CFAP221: variants seen among roughly 807,000 people sequenced by gnomAD.
CFAP221 encodes cilia- and flagella-associated protein 221.
A neutral mutation model predicts 113.1 loss-of-function variants in CFAP221; 97 were observed. That is an observed-to-expected ratio of 0.86 (90% confidence interval 0.73 to 1.02). The LOEUF (loss-of-function observed/expected upper bound fraction) is 1.02. Ranked by LOEUF, CFAP221 falls within the 50% of genes least tolerant of loss-of-function variation. The probability of loss-of-function intolerance (pLI) is 0.00; values close to 1 mark genes in which losing one functional copy is unlikely to be tolerated. For synonymous variants in CFAP221, 331 were observed against 354.4 expected, an observed-to-expected ratio of 0.93 and a Z score of 0.74; for missense variants, 1,025 against 1,013.4, an observed-to-expected ratio of 1.01 and a Z score of -0.16.
At chr2:119,639,678 T>G in intron 20 of CFAP221, 103 bp from the exon 21 acceptor site, 1 of 860,788 alleles carries the variant, frequency 1.2e-6, no homozygotes, top group Non-Finnish European at 1.9e-6. Context: ...CAGATTTTGG[T>G]GCTTAGCCTT....
At chr2:119,639,936 C>A in intron 21 of CFAP221, 64 bp downstream of exon 21, 1 of 1,381,824 alleles carries the variant, frequency 7.2e-7, no homozygotes, top group Non-Finnish European at 1.0e-6. Context: ...AGGCAATGAT[C>A]CCCAAAAGTT....
intron 1 of CFAP221, 42 bp downstream of exon 1, chr2:119,544,552 G>A (rs1449896459): frequency 1.3e-5 from 2 of 152,096 alleles, no homozygotes; most frequent in East Asian, 3.9e-4. Flanking sequence ...CCCAGGGTCG[G>A]CCGCTGGGGC....
At chr2:119,613,397 A>G (rs1685312410) in intron 13 of CFAP221, among the ~76,000 whole-genome samples, 1 of 152,232 alleles carries the variant, frequency 6.6e-6, no homozygotes, top group Non-Finnish European at 1.5e-5. Flanking sequence ...CAGAGGTTCT[A>G]CATGAGGGCT....
At chr2:119,660,074 G>A (rs1416038067), downstream of CFAP221, 1 of 152,226 alleles carries the variant, frequency 6.6e-6, no homozygotes, top group African/African-American at 2.4e-5. Flanking sequence ...TCCAGACTTT[G>A]AGCCTGTTCC....
chr2:119,571,809 C>T (rs935474540), intron 6 of CFAP221, among the ~76,000 whole-genome samples: 2 of 152,238 alleles, frequency 1.3e-5, no homozygotes, highest in African/African-American at 4.8e-5. Context: ...TGAGAAAGCA[C>T]AAAGCTGATG....
intron 7 of CFAP221, chr2:119,589,521 T>C (rs1683450837): frequency 6.6e-6 from 1 of 152,236 alleles, no homozygotes; most frequent in Non-Finnish European, 1.5e-5. Flanking sequence ...GTAGACACTG[T>C]TTCAAGCACG....
In CFAP221 at chr2:119,608,510, A is replaced by G; in HGVS notation, c.1142A>G (p.His381Arg). Residue 381 changes from histidine to arginine, a missense_variant, in exon 12 of 24, where the codon CAC becomes CGC. His to Arg is a conservative substitution (Grantham distance 29). Transcript: ENST00000413369. ...EMENHLKWQV[H>R]LGKDPMSFKL... Reference sequence around the variant, plus strand: ...TTTTTTTTTCTCCCCAGGCAGGTGCACCTTGGTAAAGATCCTATGTCTTTT... The same window carrying G: ...TTTTTTTTTCTCCCCAGGCAGGTGCGCCTTGGTAAAGATCCTATGTCTTTT... The G allele has an allele frequency of 1.9e-6, 3 of 1,602,600 alleles. No individual in the cohort carries two copies. The highest frequency in any genetic ancestry group is 2.6e-6 in the Non-Finnish European group (3 of 1,175,544).
chr2:119,625,779 T>TA (rs764940458), intron 15 of CFAP221, 91 bp downstream of exon 15: 1 of 1,089,696 alleles, frequency 9.2e-7, no homozygotes. Context: ...TCTATGCAAA[T>TA]AAAAAATTTT....
chr2:119,631,145 A>G (rs1686749313), intron 19 of CFAP221: 1 of 1,024,092 alleles, frequency 9.8e-7, no homozygotes, highest in African/African-American at 1.7e-5. Context: ...TATCTATAAT[A>G]TGTACATATA....
intron 6 of CFAP221, among the ~76,000 whole-genome samples, chr2:119,574,244 AC>A (rs1047448917): frequency 1.1e-4 from 17 of 151,840 alleles, no homozygotes; most frequent in Non-Finnish European, 1.9e-4. Flanking sequence ...GATTGTATGT[AC>A]CAGGGGCAGT....
intron 19 of CFAP221, among the ~76,000 whole-genome samples, chr2:119,631,887 A>T (rs1009441164): frequency 1.3e-5 from 2 of 152,252 alleles, no homozygotes; most frequent in African/African-American, 4.8e-5. Flanking sequence ...GAAAAACTTT[A>T]TGCCAGTAAA....
chr2:119,595,243 A>G (rs536401720), intron 7 of CFAP221, among the ~76,000 whole-genome samples: 1 of 152,272 alleles, frequency 6.6e-6, no homozygotes, highest in South Asian at 2.1e-4. Context: ...ACATTTTGTC[A>G]CTTTAACCAA....
At chr2:119,641,443 C>T (rs140504452) in intron 21 of CFAP221, among the ~76,000 whole-genome samples, 135 of 151,770 alleles carry the variant, frequency 8.9e-4, no homozygotes, top group East Asian at 6.0e-3. Flanking sequence ...CCAGAACTGG[C>T]GGGAACAATG....
chr2:119,658,077 G>T (rs114709340), downstream of CFAP221, among the ~76,000 whole-genome samples: 1 of 152,086 alleles, frequency 6.6e-6, no homozygotes, highest in Non-Finnish European at 1.5e-5. Flanking sequence ...CTGTATCTAC[G>T]TATCTTTATA....
chr2:119,625,738 G>T, intron 15 of CFAP221, 50 bp downstream of exon 15: 1 of 1,467,186 alleles, frequency 6.8e-7, no homozygotes, highest in South Asian at 1.2e-5. Flanking sequence ...TCATGCCTCT[G>T]AGCGTGAACT....
chr2:119,571,955 T>C (rs376302769), intron 6 of CFAP221, among the ~76,000 whole-genome samples: 1 of 151,764 alleles, frequency 6.6e-6, no homozygotes, highest in Non-Finnish European at 1.5e-5. Flanking sequence ...TACTTTGGGG[T>C]TGCCCCTTAC....
intron 22 of CFAP221, among the ~76,000 whole-genome samples, chr2:119,649,003 T>A (rs987959681): frequency 2.0e-5 from 3 of 152,256 alleles, no homozygotes; most frequent in African/African-American, 7.2e-5. Flanking sequence ...AGTTACCTGG[T>A]ACTGCATTGC....
intron 22 of CFAP221, among the ~76,000 whole-genome samples, chr2:119,651,254 G>A (rs926398536): frequency 2.6e-5 from 4 of 152,096 alleles, no homozygotes; most frequent in African/African-American, 9.7e-5. Context: ...CTAGGCCAGA[G>A]GTCAGCAGAC....
intron 19 of CFAP221, among the ~76,000 whole-genome samples, chr2:119,632,701 C>CAAA (rs34915791): frequency 8.2e-5 from 9 of 109,626 alleles, no homozygotes; most frequent in Admixed American, 1.8e-4. Flanking sequence ...TCTTTATTTA[C>CAAA]AAAAAAAAAA....
Sources: gnomAD v4.1 joint callset for allele counts (sites outside exome capture counted in the v4.1 genomes callset) on GRCh38, gnomAD v4.1.1 for gene constraint, MANE v1.5 for transcripts, NCBI Gene and HGNC (gene_info 2026-07-23, HGNC 2026-07-21) for gene names.